The following LRRN1 variants were observed in gnomAD, a reference collection of about 807,000 sequenced individuals.
LRRN1 encodes the protein leucine-rich repeat neuronal protein 1.
Under a neutral mutation model 45.8 loss-of-function variants are expected in LRRN1, and 14 were observed. That is an observed-to-expected ratio of 0.31 (90% CI 0.20 to 0.48). The LOEUF is 0.48. Ranked by LOEUF, LRRN1 falls within the 20% of genes least tolerant of loss-of-function variation. LRRN1 has a pLI of 0.99. For missense variants in LRRN1, 789 were observed against 874.2 expected, an observed-to-expected ratio of 0.90 and a Z score of 1.23; for synonymous variants, 359 against 330.1, an observed-to-expected ratio of 1.09 and a Z score of -0.95.
intron 1 of LRRN1, among the ~76,000 whole-genome samples, chr3:3,834,537 T>TCC (rs1177253085): frequency 9.0e-6 from 1 of 111,022 alleles, no homozygotes; most frequent in Non-Finnish European, 1.9e-5. Flanking sequence ...TATATATATA[T>TCC]ATATATATAT....
rs1280347523 is a variant in LRRN1 at position 3,844,786 on chromosome 3, A to G, written c.145A>G (p.Thr49Ala). The G allele has an allele frequency of 1.2e-6, 2 of 1,614,178 alleles. No individual in the cohort carries two copies. Among genetic ancestry groups the G allele is most frequent in the East Asian group, 4.5e-5 (2 of 44,886 alleles). Residue 49 changes from threonine to alanine, a missense_variant, in exon 2 of 2, where the codon ACT becomes GCT. Coordinates refer to ENST00000319331, the MANE Select transcript of LRRN1 (RefSeq NM_020873.7). ...EIRPWFTPQS[T>A]YREATTVDCN... Reference sequence around the variant, plus strand: ...TCGTCCCTGGTTTACCCCACAGTCAACTTACAGAGAAGCCACCACTGTTGA... The same window carrying G: ...TCGTCCCTGGTTTACCCCACAGTCAGCTTACAGAGAAGCCACCACTGTTGA...
At chr3:3,826,685 T>C (rs528436261) in intron 1 of LRRN1, among the ~76,000 whole-genome samples, 65 of 152,210 alleles carry the variant, frequency 4.3e-4, no homozygotes, top group Non-Finnish European at 6.5e-4. Flanking sequence ...CTACAGAGTG[T>C]TGGCTTTGGA....
At chr3:3,802,248 T>G (rs1692669161) in intron 1 of LRRN1, among the ~76,000 whole-genome samples, 1 of 152,216 alleles carries the variant, frequency 6.6e-6, no homozygotes, top group African/African-American at 2.4e-5. Flanking sequence ...GTTCACCTCT[T>G]GGCGTTGTGC....
intron 1 of LRRN1, among the ~76,000 whole-genome samples, chr3:3,833,745 C>A (rs1454611849): frequency 6.6e-6 from 1 of 152,146 alleles, no homozygotes; most frequent in Non-Finnish European, 1.5e-5. Context: ...TCTCCTCAGA[C>A]AAAGGCGGAA....
chr3:3,803,157 A>G (rs1275132225), intron 1 of LRRN1, among the ~76,000 whole-genome samples: 3 of 152,230 alleles, frequency 2.0e-5, no homozygotes, highest in Non-Finnish European at 4.4e-5. Flanking sequence ...AGTCTGTGCT[A>G]AGGCCACCTT....
chr3:3,846,642 G>C lies in LRRN1; in HGVS notation c.2001G>C (p.Lys667Asn). 6.2e-7 allele frequency: 1 copy of C among 1,613,924 alleles called. No homozygotes were observed. The highest frequency in any genetic ancestry group is 8.5e-7 in the Non-Finnish European group (1 of 1,179,976). Reference sequence around the variant, plus strand: ...AAAACTACCACCACTCATTAAAAAAGTATATGCAAAAAACCTCTTCAATCC... The same window carrying C: ...AAAACTACCACCACTCATTAAAAAACTATATGCAAAAAACCTCTTCAATCC... Reference protein sequence around the residue: ...KRKNYHHSLKKYMQKTSSIPL... With the variant: ...KRKNYHHSLKNYMQKTSSIPL... Residue 667 changes from lysine (K) to asparagine (N), a missense_variant, in exon 2 of 2, where the codon AAG (lysine) becomes AAC (asparagine). By Grantham distance (94) the Lys-to-Asn change is moderately conservative. Coordinates refer to ENST00000319331, the MANE Select transcript of LRRN1 (RefSeq NM_020873.7). The surrounding 1 kb of genome is among the most constrained non-coding windows in gnomAD (Gnocchi z 5.7).
intron 1 of LRRN1, among the ~76,000 whole-genome samples, chr3:3,809,235 C>G (rs78586149): frequency 1.3e-5 from 2 of 152,066 alleles, no homozygotes; most frequent in Non-Finnish European, 1.5e-5. Context: ...CCTCTGCCTC[C>G]GGGGTTCAAG....
At chr3:3,803,554 T>C (rs1414433880) in intron 1 of LRRN1, among the ~76,000 whole-genome samples, 1 of 152,200 alleles carries the variant, frequency 6.6e-6, no homozygotes, top group Non-Finnish European at 1.5e-5. Context: ...GTTAAGCCAA[T>C]CTGGAGATAA....
At chr3:3,811,659 G>C (rs1692873967) in intron 1 of LRRN1, among the ~76,000 whole-genome samples, 1 of 152,074 alleles carries the variant, frequency 6.6e-6, no homozygotes, top group Non-Finnish European at 1.5e-5. Context: ...GAACTCATTT[G>C]GGAATGCTTT....
At chr3:3,836,557 C>CGT (rs566565483) in intron 1 of LRRN1, among the ~76,000 whole-genome samples, 63 of 152,038 alleles carry the variant, frequency 4.1e-4, no homozygotes, top group African/African-American at 7.5e-4. Context: ...ACCACATTTT[C>CGT]GTGTGTGTGT....
chr3:3,822,486 C>T (rs1693124667), intron 1 of LRRN1, among the ~76,000 whole-genome samples: 1 of 152,066 alleles, frequency 6.6e-6, no homozygotes, highest in Admixed American at 6.6e-5. Flanking sequence ...TTGGTAGATG[C>T]CTATCTCTTG....
At chr3:3,833,867 C>G (rs928478694) in intron 1 of LRRN1, among the ~76,000 whole-genome samples, 4 of 152,182 alleles carry the variant, frequency 2.6e-5, no homozygotes, top group Non-Finnish European at 4.4e-5. Context: ...GTGTCCTCAG[C>G]TTCATCAGGG....
intron 1 of LRRN1, among the ~76,000 whole-genome samples, chr3:3,803,655 A>G (rs905923512): frequency 1.3e-5 from 2 of 152,222 alleles, no homozygotes; most frequent in Non-Finnish European, 2.9e-5. Flanking sequence ...TAGAGCTCTG[A>G]TTAATATTTA....
chr3:3,816,996 G>C lies in LRRN1; in HGVS notation c.-279+17077G>C, dbSNP rs1692999715. On this transcript the variant is annotated intron_variant, in intron 1 of 1. Coordinates refer to ENST00000319331, the MANE Select transcript of LRRN1 (RefSeq NM_020873.7). The surrounding 1 kb of genome is among the most constrained non-coding windows in gnomAD (Gnocchi z 4.0). The stretch of plus-strand genomic sequence containing the variant: ...GATAAGATAGATAAGATACGATAGA[G>C]AGATTTATTACAGGAATTAGCCTAC... Among the ~76,000 whole-genome samples the C allele has an allele frequency of 6.6e-6, 1 of 152,180 alleles. No individual in the cohort carries two copies. The highest frequency in any genetic ancestry group is 6.5e-5 in the Admixed American group (1 of 15,270).
chr3:3,808,458 G>T (rs1356708102), intron 1 of LRRN1, among the ~76,000 whole-genome samples: 2 of 152,206 alleles, frequency 1.3e-5, no homozygotes, highest in East Asian at 1.9e-4. Flanking sequence ...TCAAGTGAAT[G>T]AATGAATGAA....
In LRRN1 at chr3:3,846,028, A is replaced by G; in HGVS notation, c.1387A>G (p.Ile463Val). Reference sequence around the variant, plus strand: ...ACCTGAAATTTACTGGGTCACTCCCATTGGAAATAAGATAACTGTGGAAAC... The same window carrying G: ...ACCTGAAATTTACTGGGTCACTCCCGTTGGAAATAAGATAACTGTGGAAAC... Reference protein sequence around the residue: ...PEPEIYWVTPIGNKITVETLS... With the variant: ...PEPEIYWVTPVGNKITVETLS... The change falls in exon 2 of 2, where the codon ATT becomes GTT. Residue 463 changes from isoleucine (I) to valine (V), a missense_variant. Physicochemically the swap from Ile to Val is conservative, Grantham distance 29. Transcript: ENST00000319331. The surrounding 1 kb of genome is among the most constrained non-coding windows in gnomAD (Gnocchi z 5.7). 1.2e-6 allele frequency: 2 copies of G among 1,614,078 alleles called. No homozygotes were observed. The highest frequency in any genetic ancestry group is 2.7e-5 in the African/African-American group (2 of 75,056).
intron 1 of LRRN1, among the ~76,000 whole-genome samples, chr3:3,833,600 A>G (rs1002979985): frequency 2.0e-5 from 3 of 152,100 alleles, no homozygotes; most frequent in African/African-American, 7.2e-5. Flanking sequence ...CCAGGGGCCC[A>G]TCGGGATTTT....
chr3:3,824,961 C>A (rs1693186164), intron 1 of LRRN1, among the ~76,000 whole-genome samples: 1 of 152,086 alleles, frequency 6.6e-6, no homozygotes, highest in Non-Finnish European at 1.5e-5. Flanking sequence ...GTTTGCGCAT[C>A]TGTATATTTC....
chr3:3,825,727 C>G (rs1291740386), intron 1 of LRRN1, among the ~76,000 whole-genome samples: 1 of 152,084 alleles, frequency 6.6e-6, no homozygotes, highest in Admixed American at 6.6e-5. Flanking sequence ...AGTAGGTCTT[C>G]TGAAAGAAAG....
Sources: gnomAD v4.1 joint callset for allele counts (sites outside exome capture counted in the v4.1 genomes callset) on GRCh38, gnomAD v4.1.1 for gene constraint, Gnocchi (gnomAD v3.1) non-coding constraint, MANE v1.5 for transcripts, NCBI Gene and HGNC (gene_info 2026-07-23, HGNC 2026-07-21) for gene names.